ZMYND19: variants seen among roughly 807,000 people sequenced by gnomAD.
ZMYND19 encodes zinc finger MYND-type containing 19.
ZMYND19 carries 17 observed loss-of-function variants against 32.0 expected under a neutral mutation model. The observed-to-expected ratio is 0.53, with a 90% CI of 0.36 to 0.80. The LOEUF is 0.80. Ranked by LOEUF, ZMYND19 falls within the 30% of genes least tolerant of loss-of-function variation. The pLI is 0.00. For missense variants in ZMYND19, 250 were observed against 293.6 expected (o/e 0.85, Z 1.09); for synonymous variants, 124 against 113.6 (o/e 1.09, Z -0.58).
chr9:137,582,798 C>T, intron 5 of ZMYND19, 112 bp from the exon 6 acceptor site: 3 of 1,521,552 alleles, frequency 2.0e-6, no homozygotes, highest in South Asian at 1.3e-5. Flanking sequence ...CGTACCAAGG[C>T]TGGAGGGCCT....
chr9:137,582,865 A>G, intron 5 of ZMYND19, 118 bp downstream of exon 5: 1 of 1,515,974 alleles, frequency 6.6e-7, no homozygotes, highest in Middle Eastern at 2.2e-4. Flanking sequence ...GGAAAAGCCC[A>G]AGAGGTGCTA....
At chr9:137,588,502 C>T (rs545045191) in intron 2 of ZMYND19, among the ~76,000 whole-genome samples, 157 bp downstream of exon 2, 2 of 152,352 alleles carry the variant, frequency 1.3e-5, no homozygotes, top group South Asian at 2.1e-4. Context: ...GGCCACGGCT[C>T]GAAGTGGGGC....
At chr9:137,585,166 T>C (rs1431663352) in intron 4 of ZMYND19, among the ~76,000 whole-genome samples, 1 of 152,136 alleles carries the variant, frequency 6.6e-6, no homozygotes, top group African/African-American at 2.4e-5. Flanking sequence ...CTCACGCCTG[T>C]AATCCCAGCA....
intron 4 of ZMYND19, among the ~76,000 whole-genome samples, chr9:137,584,031 G>C (rs916364402): frequency 1.3e-5 from 2 of 152,110 alleles, no homozygotes; most frequent in African/African-American, 4.8e-5. Context: ...AGTCAACAAA[G>C]ACAGGGTGAC....
rs1564492612 is a variant in ZMYND19, at chr9:137,590,052, G to T, written c.51+161C>A. 1.0e-6 allele frequency: 1 copy of T among 983,468 alleles called. No homozygotes were observed. Among genetic ancestry groups the T allele is most frequent in the Non-Finnish European group, 1.2e-6 (1 of 828,886 alleles). 60.9% of individuals were successfully genotyped at this position (983,468 alleles called of 1,614,324 possible). A position where few individuals can be genotyped will look rare whatever the true frequency, so the allele number is the denominator to read the frequency against. ...GCCTGCGAGAGGAAGCTGCACCCGC[G>T]CGGGGCCAGCAGCCGGGCCCGCGCA... On this transcript the variant is annotated intron_variant, in intron 1 of 5. Coordinates refer to ENST00000298585, the MANE Select transcript of ZMYND19 (RefSeq NM_138462.3). The surrounding 1 kb of genome is among the most constrained non-coding windows in gnomAD (Gnocchi z 4.2).
rs995488615 is a variant in ZMYND19 at position 137,590,337 on chromosome 9, G to C, written c.-74C>G. ...CGAGCGGGGGCCGGGGCGAGGCCGC[G>C]GCGCGCCGGGACAGGACGGGACCGG... On this transcript the variant is annotated 5_prime_UTR_variant, in exon 1 of 6. Coordinates refer to ENST00000298585, the MANE Select transcript of ZMYND19 (RefSeq NM_138462.3). The surrounding 1 kb of genome is among the most constrained non-coding windows in gnomAD (Gnocchi z 4.2). 6.3e-6 allele frequency: 6 copies of C among 950,618 alleles called. No homozygotes were observed. Among genetic ancestry groups the C allele is most frequent in the Non-Finnish European group, 7.6e-6 (6 of 794,062 alleles). The allele number at this position is 950,618 out of a possible 1,614,324, so 58.9% of individuals were successfully genotyped here. A position where few individuals can be genotyped will look rare whatever the true frequency, so the allele number is the denominator to read the frequency against.
intron 4 of ZMYND19, among the ~76,000 whole-genome samples, chr9:137,584,915 T>C (rs964601028): frequency 4.6e-5 from 7 of 152,166 alleles, no homozygotes; most frequent in African/African-American, 1.2e-4. Flanking sequence ...GATACCAAAA[T>C]GTACCCTATT....
chr9:137,589,143 T>C (rs1842240738), intron 1 of ZMYND19: 1 of 186,158 alleles, frequency 5.4e-6, no homozygotes, highest in Non-Finnish European at 1.0e-5. Flanking sequence ...TACTCACTGA[T>C]TACCCTTTTT....
In ZMYND19 at chr9:137,586,954, T is replaced by TG; in HGVS notation, c.359+12dup. The TG allele has an allele frequency of 6.2e-7, 1 of 1,611,602 alleles. No individual in the cohort carries two copies. Among genetic ancestry groups the TG allele is most frequent in the Non-Finnish European group, 8.5e-7 (1 of 1,179,890 alleles). On this transcript the variant is annotated intron_variant, in intron 4 of 5. Transcript: ENST00000298585. ...CGCCTCTGCTGGCATCGCCAGGCCC[T>TG]GAGAAGACCCACCTCTGCTTGCTGG...
rs1387684424 is a variant in ZMYND19 at position 137,590,122 on chromosome 9, G to GC, written c.51+90dup. 3.1e-6 allele frequency: 3 copies of GC among 975,980 alleles called. No homozygotes were observed. The Admixed American group carries it at 1.9e-4, about 63-fold the overall frequency. The allele number at this position is 975,980 out of a possible 1,614,324, so 60.5% of individuals were successfully genotyped here. A position where few individuals can be genotyped will look rare whatever the true frequency, so the allele number is the denominator to read the frequency against. On this transcript the variant is annotated intron_variant, in intron 1 of 5. Coordinates refer to ENST00000298585, the MANE Select transcript of ZMYND19 (RefSeq NM_138462.3). The surrounding 1 kb of genome is among the most constrained non-coding windows in gnomAD (Gnocchi z 4.2). ...GGCCCATCCCGGGCTCCGCGCCCCC[G>GC]CCCCGGCCGCCGCCCGCACAACCGC...
At chr9:137,589,938 C>G in intron 1 of ZMYND19, 1 of 985,390 alleles carries the variant, frequency 1.0e-6, no homozygotes, top group Non-Finnish European at 1.2e-6. Flanking sequence ...CCGCACCCGG[C>G]TCGGGACAGG....
At chr9:137,583,297 C>T in intron 4 of ZMYND19, 134 bp from the exon 5 acceptor site, 1 of 910,502 alleles carries the variant, frequency 1.1e-6, no homozygotes, top group Non-Finnish European at 1.7e-6. Context: ...TTTGGCCCAT[C>T]CCTGCTGCAT....
In ZMYND19 at chr9:137,582,574, G is replaced by A. The variant is rs1184695552; in HGVS notation, c.653C>T (p.Pro218Leu). The change falls in exon 6 of 6, where the codon CCC becomes CTC. Residue 218 changes from proline (P) to leucine (L), a missense_variant. Pro to Leu is a moderately conservative substitution (Grantham distance 98). Around this residue, in one of 2 missense-constraint regions of ZMYND19, gnomAD observed 38 missense variants for 74.9 expected, o/e 0.51. Coordinates refer to ENST00000298585, the MANE Select transcript of ZMYND19 (RefSeq NM_138462.3). ...HKKHCRERKR[P>L]FQHELEPER is the part of the protein sequence containing the mutation. ...CTCTGGCTCAAGCTCATGCTGGAAG[G>A]GACGCTTCCTCTCCCGACAGTGCTT... The A allele has an allele frequency of 3.7e-6, 6 of 1,613,112 alleles. No individual in the cohort carries two copies. The highest frequency in any genetic ancestry group is 5.1e-6 in the Non-Finnish European group (6 of 1,180,020).
At position 137,582,969 on chromosome 9, in the gene ZMYND19, T is replaced by G. The variant is rs1218980558; in HGVS notation, c.540+14A>C. 6.2e-7 allele frequency: 1 copy of G among 1,613,686 alleles called. No individual in the cohort carries two copies. Among genetic ancestry groups the G allele is most frequent in the Non-Finnish European group, 8.5e-7 (1 of 1,179,726 alleles). On this transcript the variant is annotated intron_variant, in intron 5 of 5. Coordinates refer to ENST00000298585, the MANE Select transcript of ZMYND19 (RefSeq NM_138462.3). ...AGAGGTGCCAGGGACGCGACCGCAC[T>G]GCAGCACACCCACCTGCTTCTCAAT...
At position 137,582,500 on chromosome 9, in the gene ZMYND19, G is replaced by T; in HGVS notation, c.*43C>A. ...ACCAGTCTGTCTCTGCTGTGCCCAGGGTAGAGCCCGGGGGCTGTGAGTATG... is the reference window on the plus strand; with the variant it reads ...ACCAGTCTGTCTCTGCTGTGCCCAGTGTAGAGCCCGGGGGCTGTGAGTATG... On this transcript the variant is annotated 3_prime_UTR_variant, in exon 6 of 6. Transcript: ENST00000298585. The T allele has an allele frequency of 6.3e-7, 1 of 1,598,060 alleles. No homozygotes were observed. Among genetic ancestry groups the T allele is most frequent in the Non-Finnish European group, 8.5e-7 (1 of 1,172,774 alleles).
chr9:137,588,592 C>T (rs1478816848), intron 2 of ZMYND19, 67 bp downstream of exon 2: 11 of 1,568,560 alleles, frequency 7.0e-6, no homozygotes, highest in East Asian at 6.7e-5. Context: ...GGAGAGAGCT[C>T]GTTCCTCGTG....
intron 4 of ZMYND19, among the ~76,000 whole-genome samples, chr9:137,584,545 C>T (rs1025876237): frequency 1.5e-4 from 23 of 152,312 alleles, no homozygotes; most frequent in Non-Finnish European, 2.4e-4. Flanking sequence ...ATGGCAGGGA[C>T]AGAAGGCATT....
At chr9:137,589,815 G>A (rs1842250021) in intron 1 of ZMYND19, 1 of 985,374 alleles carries the variant, frequency 1.0e-6, no homozygotes, top group African/African-American at 1.7e-5. Context: ...AAAGGGCGCT[G>A]TGTTTAAACC....
At chr9:137,585,758 C>T (rs1842197412) in intron 4 of ZMYND19, among the ~76,000 whole-genome samples, 1 of 152,206 alleles carries the variant, frequency 6.6e-6, no homozygotes, top group African/African-American at 2.4e-5. Flanking sequence ...CTCGGCTGCC[C>T]AGGGCTCTGG....
Sources: gnomAD v4.1 joint callset for allele counts (sites outside exome capture counted in the v4.1 genomes callset) on GRCh38, gnomAD v4.1.1 for gene constraint, gnomAD v4.1.1 regional missense constraint, Gnocchi (gnomAD v3.1) non-coding constraint, MANE v1.5 for transcripts, NCBI Gene and HGNC (gene_info 2026-07-23, HGNC 2026-07-21) for gene names.